BCL11B: variants seen among roughly 807,000 people sequenced by gnomAD.
The protein encoded by BCL11B is BCL11 transcription factor B.
In BCL11B, 8 loss-of-function variants were observed where a neutral mutation model predicts 49.9. That is an observed-to-expected ratio of 0.16 (90% confidence interval 0.09 to 0.29). The LOEUF (loss-of-function observed/expected upper bound fraction) is 0.29. Ranked by LOEUF, BCL11B falls within the 10% of genes least tolerant of loss-of-function variation. The pLI, the probability that BCL11B is intolerant of heterozygous loss-of-function variation, is 1.00. For synonymous variants in BCL11B, 739 were observed against 637.4 expected (o/e 1.16, Z -2.40); for missense variants, 1,006 against 1,351.0 (o/e 0.74, Z 4.00).
At chr14:99,258,418 C>A (rs1889238791) in intron 1 of BCL11B, among the ~76,000 whole-genome samples, 2 of 151,668 alleles carry the variant, frequency 1.3e-5, no homozygotes, top group Admixed American at 6.6e-5. Context: ...ATCCCTTACA[C>A]CTTCATTCAT....
chr14:99,204,108 G>C (rs2693685), intron 3 of BCL11B, among the ~76,000 whole-genome samples: 13 of 152,184 alleles, frequency 8.5e-5, no homozygotes, highest in African/African-American at 3.1e-4. Context: ...GTCAGAGCTC[G>C]GCCTCAGAGG....
At chr14:99,249,843 T>C (rs1426410448) in intron 2 of BCL11B, among the ~76,000 whole-genome samples, 2 of 152,074 alleles carry the variant, frequency 1.3e-5, no homozygotes, top group African/African-American at 2.4e-5. Flanking sequence ...AAATTTAACA[T>C]CAGGCTGGGT....
In BCL11B at chr14:99,243,837, G is replaced by A. The variant is rs557322939; in HGVS notation, c.428-12280C>T. Among the ~76,000 whole-genome samples, 3 of 149,824 alleles carry A rather than the reference G, an allele frequency of 2.0e-5. No individual in the cohort carries two copies. The East Asian group carries it at 5.9e-4, about 29-fold the overall frequency. On this transcript the variant is annotated intron_variant, in intron 2 of 3. Coordinates refer to ENST00000357195, the MANE Select transcript of BCL11B (RefSeq NM_138576.4). ...AGGAGGCTTCTCCAGGATCCCTTTG[G>A]CTACCAATTGCACTGGTATTTCAAC...
At chr14:99,185,674 G>T (rs1886832693) in intron 3 of BCL11B, among the ~76,000 whole-genome samples, 1 of 151,976 alleles carries the variant, frequency 6.6e-6, no homozygotes, top group Admixed American at 6.5e-5. Context: ...ATACCCAAGA[G>T]CATTCCACAA....
rs545483720 is a variant in BCL11B at position 99,195,365 on chromosome 14, C to T, written c.641-19170G>A. On this transcript the variant is annotated intron_variant, in intron 3 of 3. Coordinates refer to ENST00000357195, the MANE Select transcript of BCL11B (RefSeq NM_138576.4). The surrounding 1 kb of genome is among the most constrained non-coding windows in gnomAD (Gnocchi z 4.7). ...TCCCCACACCTCCTCTGTGGGGCTC[C>T]CCCAGCACCTCCATTTTGCAGATGA... 1.3e-3 allele frequency among the ~76,000 whole-genome samples: 200 copies of T among 152,188 alleles called. No homozygotes were observed. The highest frequency in any genetic ancestry group is 2.5e-3 in the Non-Finnish European group (171 of 67,998).
intron 3 of BCL11B, among the ~76,000 whole-genome samples, chr14:99,223,018 C>T (rs1314345301): frequency 2.6e-5 from 4 of 152,134 alleles, no homozygotes; most frequent in South Asian, 4.2e-4. Flanking sequence ...TAAGTATGCA[C>T]GGTCACTTGA....
chr14:99,238,132 C>T (rs1300838081), intron 2 of BCL11B, among the ~76,000 whole-genome samples: 7 of 152,094 alleles, frequency 4.6e-5, no homozygotes, highest in Admixed American at 6.5e-5. Context: ...ACTAGAAGCA[C>T]ACCTCAGGGA....
chr14:99,244,296 C>G lies in BCL11B; in HGVS notation c.428-12739G>C, dbSNP rs556461661. ...TCAAGCAAAACATGAACAATTACCC[C>G]CCCCTCACACACACACACACCCCTA... is the stretch of plus-strand genomic sequence containing the variant. On this transcript the variant is annotated intron_variant, in intron 2 of 3. Coordinates refer to ENST00000357195, the MANE Select transcript of BCL11B (RefSeq NM_138576.4). Among the ~76,000 whole-genome samples, 137 of 151,900 alleles carry G rather than the reference C, an allele frequency of 9.0e-4. 2 individuals carry two copies. The highest frequency in any genetic ancestry group is 3.4e-3 in the Middle Eastern group (1 of 294).
Position 99,192,231 on chromosome 14 carries a change from C to G in BCL11B, c.641-16036G>C, listed in dbSNP as rs974917111. Among the ~76,000 whole-genome samples the G allele has an allele frequency of 1.3e-5, 2 of 152,186 alleles. No homozygotes were observed. The highest frequency in any genetic ancestry group is 2.4e-5 in the African/African-American group (1 of 41,458). Reference sequence around the variant, plus strand: ...GCTGTTCATAATACTGTCTTGGCAGCGTTTCCTTGGAGCGCACACGGTGAA... The same window carrying G: ...GCTGTTCATAATACTGTCTTGGCAGGGTTTCCTTGGAGCGCACACGGTGAA... On this transcript the variant is annotated intron_variant, in intron 3 of 3. Transcript: ENST00000357195. This position sits in a 1 kb window ranked among gnomAD's most constrained non-coding sequence, Gnocchi z 4.0.
intron 2 of BCL11B, among the ~76,000 whole-genome samples, chr14:99,246,779 T>C (rs571168115): frequency 6.6e-6 from 1 of 151,198 alleles, no homozygotes; most frequent in African/African-American, 2.4e-5. Flanking sequence ...AGAGGATGGG[T>C]ATGATTTGCT....
At position 99,213,328 on chromosome 14, in the gene BCL11B, T is replaced by C. The variant is rs1426529261; in HGVS notation, c.640+18017A>G. On this transcript the variant is annotated intron_variant, in intron 3 of 3. Transcript: ENST00000357195. This position sits in a 1 kb window ranked among gnomAD's most constrained non-coding sequence, Gnocchi z 5.1. ...GTGCAGCAGACACAGCCCCGACTAA[T>C]CAGACAGCAGAGGCTGCCACCCAGA... Among the ~76,000 whole-genome samples, 2 of 152,128 alleles carry C rather than the reference T, an allele frequency of 1.3e-5. No homozygotes were observed. The highest frequency in any genetic ancestry group is 3.9e-4 in the East Asian group (2 of 5,188).
At chr14:99,220,059 C>G (rs1887963647) in intron 3 of BCL11B, among the ~76,000 whole-genome samples, 1 of 152,164 alleles carries the variant, frequency 6.6e-6, no homozygotes, top group African/African-American at 2.4e-5. Flanking sequence ...CCTTGGCTAT[C>G]AACTCCAACA....
In BCL11B at chr14:99,173,577, TA is replaced by T. The variant is rs34800317; in HGVS notation, c.*573del. The T allele has an allele frequency of 7.2e-5, 13 of 180,294 alleles. No individual in the cohort carries two copies. Among genetic ancestry groups the T allele is most frequent in the East Asian group, 2.7e-4 (3 of 11,164 alleles). 11.2% of individuals were successfully genotyped at this position (180,294 alleles called of 1,614,324 possible). A position where few individuals can be genotyped will look rare whatever the true frequency, so the allele number is the denominator to read the frequency against. On this transcript the variant is annotated 3_prime_UTR_variant, in exon 4 of 4. Coordinates refer to ENST00000357195, the MANE Select transcript of BCL11B (RefSeq NM_138576.4). ...ACCAAAAAAAAAATTAAAAAATAAT[TA>T]AAAAAAAAACTGCATGCCACTTTTT...
At chr14:99,191,489 CAG>C (rs1424881109) in intron 3 of BCL11B, among the ~76,000 whole-genome samples, 2 of 152,102 alleles carry the variant, frequency 1.3e-5, no homozygotes, top group East Asian at 3.9e-4. Context: ...ATTGAAAAGA[CAG>C]AGAGAAGAGG....
intron 3 of BCL11B, among the ~76,000 whole-genome samples, chr14:99,214,530 C>A (rs192210167): frequency 3.3e-5 from 5 of 151,458 alleles, no homozygotes; most frequent in Admixed American, 3.3e-4. Flanking sequence ...TGCACTCCAG[C>A]CTGGGTGACA....
At chr14:99,271,014 A>G (rs1889660335) in intron 1 of BCL11B, 147 bp downstream of exon 1, 1 of 806,714 alleles carries the variant, frequency 1.2e-6, no homozygotes, top group Non-Finnish European at 1.8e-6. Context: ...GCCCCCCGCC[A>G]TGCTCCAGGC....
chr14:99,269,408 G>A (rs1401005352), intron 1 of BCL11B, among the ~76,000 whole-genome samples: 3 of 152,010 alleles, frequency 2.0e-5, no homozygotes, highest in Non-Finnish European at 2.9e-5. Flanking sequence ...AAACGCAGCC[G>A]GCGAGTCTTC....
At chr14:99,202,158 T>G (rs1194764257) in intron 3 of BCL11B, among the ~76,000 whole-genome samples, 2 of 152,076 alleles carry the variant, frequency 1.3e-5, no homozygotes, top group Non-Finnish European at 2.9e-5. Flanking sequence ...ATTTTTTTAT[T>G]TTTTATTTCT....
rs550414221 is a variant in BCL11B, at chr14:99,192,812, C to A, written c.641-16617G>T. Among the ~76,000 whole-genome samples the A allele has an allele frequency of 6.6e-5, 10 of 152,266 alleles. No individual in the cohort carries two copies. The highest frequency in any genetic ancestry group is 1.5e-4 in the Non-Finnish European group (10 of 68,030). ...GATTCCAGAGCGTGCATGGAAGAGTCCTGCCTCTGGTCAGTGCTCAATAGA... is the reference window on the plus strand; with the variant it reads ...GATTCCAGAGCGTGCATGGAAGAGTACTGCCTCTGGTCAGTGCTCAATAGA... On this transcript the variant is annotated intron_variant, in intron 3 of 3. Coordinates refer to ENST00000357195, the MANE Select transcript of BCL11B (RefSeq NM_138576.4). This position sits in a 1 kb window ranked among gnomAD's most constrained non-coding sequence, Gnocchi z 4.0.
Sources: allele counts gnomAD v4.1 joint callset (sites outside exome capture counted in the v4.1 genomes callset), GRCh38; gene constraint gnomAD v4.1.1; non-coding constraint Gnocchi (gnomAD v3.1); transcripts MANE v1.5; gene names NCBI Gene and HGNC (gene_info 2026-07-23, HGNC 2026-07-21).